RCOR1: variants seen among roughly 807,000 people sequenced by gnomAD.
RCOR1 encodes the protein REST corepressor 1, also known as REST corepressor.
A neutral mutation model predicts 64.0 loss-of-function variants in RCOR1; 12 were observed. That is an observed-to-expected ratio of 0.19 (90% CI 0.12 to 0.30). The LOEUF (loss-of-function observed/expected upper bound fraction) is 0.30. Among genes scored for constraint, RCOR1 ranks in the 10% least tolerant of loss-of-function variants. The pLI is 1.00. For missense variants in RCOR1, 502 were observed against 621.2 expected (o/e 0.81, Z 2.04); for synonymous variants, 279 against 227.2 (o/e 1.23, Z -2.05).
intron 2 of RCOR1, among the ~76,000 whole-genome samples, chr14:102,636,349 C>T (rs1036330341): frequency 6.6e-6 from 1 of 151,592 alleles, no homozygotes; most frequent in African/African-American, 2.4e-5. Flanking sequence ...GTGATCTTGG[C>T]GCACTGCAAC....
intron 3 of RCOR1, 54 bp downstream of exon 3, chr14:102,682,032 A>C: frequency 8.0e-7 from 1 of 1,251,604 alleles, no homozygotes; most frequent in Non-Finnish European, 1.2e-6. Context: ...TAAGGTTTTA[A>C]AGGTACCTTT....
chr14:102,656,176 G>A (rs545509264), intron 2 of RCOR1: 1 of 933,096 alleles, frequency 1.1e-6, no homozygotes, highest in South Asian at 5.0e-5. Context: ...GTCTCGCTGT[G>A]TCGCCCAGAC....
Position 102,730,522 on chromosome 14 carries a change from G to A in RCOR1, c.*4016G>A, listed in dbSNP as rs1174652251. ...CATTTTTCTATTTCCAATATTTGCT[G>A]AGGTTAAATAAAAATTTTCAAGCCA... On this transcript the variant is annotated 3_prime_UTR_variant, in exon 12 of 12. Coordinates refer to ENST00000262241, the MANE Select transcript of RCOR1 (RefSeq NM_015156.4). The A allele has an allele frequency of 1.3e-5, 2 of 152,684 alleles. No homozygotes were observed. Among genetic ancestry groups the A allele is most frequent in the Non-Finnish European group, 2.9e-5 (2 of 68,090 alleles). The allele number at this position is 152,684 out of a possible 1,614,324, so 9.5% of individuals were successfully genotyped here.
At chr14:102,650,764 G>A (rs1435331396) in intron 2 of RCOR1, among the ~76,000 whole-genome samples, 2 of 152,076 alleles carry the variant, frequency 1.3e-5, no homozygotes, top group African/African-American at 4.8e-5. Flanking sequence ...ATATATAAAG[G>A]GATAAACATT....
chr14:102,614,647 A>T (rs1893713812), intron 2 of RCOR1, among the ~76,000 whole-genome samples: 4 of 152,228 alleles, frequency 2.6e-5, no homozygotes, highest in African/African-American at 9.6e-5. Context: ...GCAACAGGTC[A>T]GTTTCCATGG....
In RCOR1 at chr14:102,593,303, G is replaced by T. The variant is rs1242420958; in HGVS notation, c.339G>T (p.Ala113=). ...GGMRVGPQYQ[A]VVPDFDPAKL... is the part of the protein sequence containing the mutation. ...TGAGGGTCGGACCCCAGTACCAGGC[G>T]GTGGTGCCCGACTTCGACCCCGGTG... The change falls in exon 2 of 12, where the codon GCG becomes GCT. Residue 113 remains alanine, a synonymous_variant. Transcript: ENST00000262241. The T allele has an allele frequency of 6.5e-7, 1 of 1,548,382 alleles. No homozygotes were observed. Among genetic ancestry groups the T allele is most frequent in the Non-Finnish European group, 8.7e-7 (1 of 1,153,682 alleles).
At chr14:102,593,386 A>G in intron 2 of RCOR1, 61 bp downstream of exon 2, 2 of 1,438,480 alleles carry the variant, frequency 1.4e-6, no homozygotes, top group Non-Finnish European at 1.8e-6. Context: ...GTCCCCGGCG[A>G]GCCCGAGGGG....
chr14:102,593,226 C>T (rs761745348), intron 1 of RCOR1, 39 bp downstream of exon 1: 3 of 1,482,080 alleles, frequency 2.0e-6, no homozygotes, highest in East Asian at 2.9e-5. Context: ...GGCCCCGCGC[C>T]CCGCGCCGCG....
intron 2 of RCOR1, among the ~76,000 whole-genome samples, chr14:102,639,387 TCTC>T (rs1894313357): frequency 6.6e-6 from 1 of 150,814 alleles, no homozygotes; most frequent in Non-Finnish European, 1.5e-5. Flanking sequence ...ACCTCAGCCT[TCTC>T]CTCCCCTTTA....
At chr14:102,627,241 A>G (rs1419964548) in intron 2 of RCOR1, among the ~76,000 whole-genome samples, 1 of 152,100 alleles carries the variant, frequency 6.6e-6, no homozygotes, top group Non-Finnish European at 1.5e-5. Context: ...ACTAGGCTCC[A>G]TGCTTTTCTA....
intron 2 of RCOR1, among the ~76,000 whole-genome samples, chr14:102,598,932 C>T (rs1474969294): frequency 6.6e-6 from 1 of 151,472 alleles, no homozygotes. Flanking sequence ...AGGCTTTGTT[C>T]TTACATGTGT....
intron 6 of RCOR1, 61 bp downstream of exon 6, chr14:102,708,644 C>A (rs1027691035): frequency 9.9e-6 from 9 of 910,606 alleles, no homozygotes; most frequent in Non-Finnish European, 1.2e-5. Context: ...GCCCCAGATA[C>A]ACAAAGGCAA....
At chr14:102,673,393 C>G (rs931357456) in intron 2 of RCOR1, among the ~76,000 whole-genome samples, 1 of 147,382 alleles carries the variant, frequency 6.8e-6, no homozygotes, top group African/African-American at 2.5e-5. Context: ...CTGGAGTGCA[C>G]TGGCAGGATC....
At position 102,693,987 on chromosome 14, in the gene RCOR1, T is replaced by C. The variant is rs1029240218; in HGVS notation, c.446-7291T>C. 2.0e-4 allele frequency among the ~76,000 whole-genome samples: 30 copies of C among 152,156 alleles called. 1 individual carries two copies. The highest frequency in any genetic ancestry group is 1.4e-3 in the Admixed American group (22 of 15,278). Reference sequence around the variant, plus strand: ...ATTACAGGCTATAAGTGTGAGCCACTGCATCTGGCCAATCTTTTGTTTTTT... The same window carrying C: ...ATTACAGGCTATAAGTGTGAGCCACCGCATCTGGCCAATCTTTTGTTTTTT... On this transcript the variant is annotated intron_variant, in intron 3 of 11. Transcript: ENST00000262241.
At chr14:102,656,480 A>G (rs908964953) in intron 2 of RCOR1, among the ~76,000 whole-genome samples, 1 of 148,006 alleles carries the variant, frequency 6.8e-6, no homozygotes, top group Non-Finnish European at 1.5e-5. Flanking sequence ...TTTTTTGTTT[A>G]TTTGTTTGTT....
intron 2 of RCOR1, among the ~76,000 whole-genome samples, chr14:102,631,953 G>A (rs140318409): frequency 7.6e-4 from 115 of 151,790 alleles, no homozygotes; most frequent in Non-Finnish European, 1.3e-3. Context: ...GACTACAAGC[G>A]TGAGCCACCA....
intron 2 of RCOR1, among the ~76,000 whole-genome samples, chr14:102,604,390 G>A (rs1893462319): frequency 6.6e-6 from 1 of 152,206 alleles, no homozygotes; most frequent in Admixed American, 6.5e-5. Flanking sequence ...TGGGTAGTGT[G>A]TGGATAGGGA....
intron 2 of RCOR1, 52 bp downstream of exon 2, chr14:102,593,377 T>G: frequency 1.4e-6 from 2 of 1,460,916 alleles, no homozygotes; most frequent in Non-Finnish European, 8.9e-7. Context: ...GAGCCCCGGG[T>G]CCCCGGCGAG....
intron 3 of RCOR1, among the ~76,000 whole-genome samples, 191 bp from the exon 4 acceptor site, chr14:102,701,087 A>C (rs989728284): frequency 3.3e-5 from 5 of 152,208 alleles, no homozygotes; most frequent in Non-Finnish European, 5.9e-5. Flanking sequence ...TCCATGATTC[A>C]GTTACCTCCA....
Sources: gnomAD v4.1 joint callset for allele counts (sites outside exome capture counted in the v4.1 genomes callset) on GRCh38, gnomAD v4.1.1 for gene constraint, MANE v1.5 for transcripts, NCBI Gene and HGNC (gene_info 2026-07-23, HGNC 2026-07-21) for gene names.